Variants in ASTN2 observed in about 807,000 individuals in gnomAD.
The protein encoded by ASTN2 is astrotactin-2.
Under a neutral mutation model 139.8 loss-of-function variants are expected in ASTN2, and 54 were observed. That is an observed-to-expected ratio of 0.39 (90% CI 0.31 to 0.48). The LOEUF (loss-of-function observed/expected upper bound fraction) is 0.48. ASTN2 is among the 20% of genes least tolerant of loss of function. The pLI is 0.95. For synonymous variants in ASTN2, 756 were observed against 719.5 expected (o/e 1.05, Z -0.81); for missense variants, 1,565 against 1,725.1 (o/e 0.91, Z 1.64).
rs577615199 is a variant in ASTN2, at chr9:117,054,012, A to AT, written c.1277-14048dup. On this transcript the variant is annotated intron_variant, in intron 5 of 22. Transcript: ENST00000313400. ...ATAGCTTTGCCTTTAGTGGGGGAAT[A>AT]TAAGAGAGGATAAAAAAAGAAAAAA... Among the ~76,000 whole-genome samples, 270 of 150,558 alleles carry AT rather than the reference A, an allele frequency of 1.8e-3. 1 individual carries two copies. The highest frequency in any genetic ancestry group is 4.0e-3 in the Admixed American group (61 of 15,138).
chr9:116,949,533 G>A (rs970408125), intron 10 of ASTN2, among the ~76,000 whole-genome samples: 1 of 152,308 alleles, frequency 6.6e-6, no homozygotes, highest in African/African-American at 2.4e-5. Context: ...GGAAGAGACT[G>A]GGTGAAGTTG....
chr9:116,534,514 C>T (rs1255259503), intron 19 of ASTN2, among the ~76,000 whole-genome samples: 1 of 152,168 alleles, frequency 6.6e-6, no homozygotes, highest in African/African-American at 2.4e-5. Flanking sequence ...TATAAATCTC[C>T]CTCACACACT....
At chr9:116,970,986 A>T (rs982710174) in intron 10 of ASTN2, among the ~76,000 whole-genome samples, 1 of 152,164 alleles carries the variant, frequency 6.6e-6, no homozygotes, top group Middle Eastern at 3.4e-3. Flanking sequence ...TTCTCCCTCC[A>T]CAAGCATCTT....
At chr9:117,119,601 G>T (rs1039884915) in intron 4 of ASTN2, among the ~76,000 whole-genome samples, 6 of 152,182 alleles carry the variant, frequency 3.9e-5, no homozygotes, top group African/African-American at 7.2e-5. Flanking sequence ...TTGGGAGCTA[G>T]ATTTGAGTCC....
chr9:117,357,012 C>T (rs930545997), intron 1 of ASTN2, among the ~76,000 whole-genome samples: 3 of 151,882 alleles, frequency 2.0e-5, no homozygotes, highest in Non-Finnish European at 4.4e-5. Flanking sequence ...TGCAGTGAGC[C>T]GACATCATGC....
At chr9:116,927,842 C>T (rs141921522) in intron 10 of ASTN2, among the ~76,000 whole-genome samples, 118 of 152,322 alleles carry the variant, frequency 7.7e-4, no homozygotes, top group African/African-American at 2.8e-3. Flanking sequence ...TGACTGAAAA[C>T]TCCATTGTAC....
intron 17 of ASTN2, among the ~76,000 whole-genome samples, chr9:116,650,642 G>A (rs1857855726): frequency 6.6e-6 from 1 of 152,160 alleles, no homozygotes; most frequent in Non-Finnish European, 1.5e-5. Flanking sequence ...TGCAAGTATT[G>A]TACTGAGGTA....
intron 1 of ASTN2, among the ~76,000 whole-genome samples, chr9:117,365,273 CAG>C (rs779436371): frequency 2.6e-5 from 3 of 117,070 alleles, no homozygotes; most frequent in Non-Finnish European, 3.8e-5. Flanking sequence ...GAAAAAAAGA[CAG>C]AAAGAAAGAA....
At chr9:117,093,991 C>G (rs567465209) in intron 5 of ASTN2, among the ~76,000 whole-genome samples, 1 of 152,212 alleles carries the variant, frequency 6.6e-6, no homozygotes, top group East Asian at 1.9e-4. Flanking sequence ...ACAAACCCCA[C>G]AAGAGCAGGA....
chr9:116,431,290 C>T (rs1212112148), intron 22 of ASTN2, among the ~76,000 whole-genome samples: 3 of 152,130 alleles, frequency 2.0e-5, no homozygotes, highest in East Asian at 3.9e-4. Flanking sequence ...GCCTCCCTCC[C>T]TCCTCCCTGC....
chr9:116,639,382 C>A (rs980947784), intron 17 of ASTN2, among the ~76,000 whole-genome samples: 1 of 152,180 alleles, frequency 6.6e-6, no homozygotes, highest in Non-Finnish European at 1.5e-5. Flanking sequence ...TGTAATGGTA[C>A]AAACTCATGC....
At chr9:116,957,444 A>G (rs1404722133) in intron 10 of ASTN2, among the ~76,000 whole-genome samples, 5 of 152,210 alleles carry the variant, frequency 3.3e-5, no homozygotes, top group Non-Finnish European at 1.5e-5. Flanking sequence ...CTATTACCTA[A>G]TCTATACATT....
At chr9:116,474,197 G>A (rs569814066) in intron 20 of ASTN2, among the ~76,000 whole-genome samples, 3 of 152,324 alleles carry the variant, frequency 2.0e-5, no homozygotes, top group Non-Finnish European at 4.4e-5. Flanking sequence ...GCAGATGGGT[G>A]CTTGAATCTA....
At chr9:116,951,081 T>C (rs1040079278) in intron 10 of ASTN2, among the ~76,000 whole-genome samples, 2 of 152,146 alleles carry the variant, frequency 1.3e-5, no homozygotes, top group African/African-American at 2.4e-5. Context: ...CTCACGCCTG[T>C]AGCCCCAGCA....
chr9:117,193,118 A>G (rs758075304), intron 3 of ASTN2, among the ~76,000 whole-genome samples: 2 of 152,214 alleles, frequency 1.3e-5, no homozygotes, highest in African/African-American at 2.4e-5. Flanking sequence ...AATGGTGAGG[A>G]AGAGGTGTAC....
intron 20 of ASTN2, among the ~76,000 whole-genome samples, chr9:116,455,848 G>C (rs1848316811): frequency 6.6e-6 from 1 of 151,188 alleles, no homozygotes; most frequent in South Asian, 2.1e-4. Context: ...TAAAATATTA[G>C]ATATAAAACA....
chr9:117,244,567 AAGGAAGGGAGGGAGGGAGGGAGGG>A (rs766112585), intron 2 of ASTN2, among the ~76,000 whole-genome samples: 8 of 93,906 alleles, frequency 8.5e-5, no homozygotes, highest in Admixed American at 1.3e-4. Flanking sequence ...GGAAGGAAGG[AAGGAAGGGAGGGAGGGAGGGAGGG>A]AGGGAGGGAG....
intron 7 of ASTN2, among the ~76,000 whole-genome samples, chr9:116,987,816 A>C (rs1238187471): frequency 1.3e-5 from 2 of 152,234 alleles, no homozygotes; most frequent in Non-Finnish European, 2.9e-5. Context: ...GCCATAATTA[A>C]GTAAAATAAC....
chr9:116,514,214 C>G (rs1850535772), intron 19 of ASTN2, among the ~76,000 whole-genome samples: 1 of 149,986 alleles, frequency 6.7e-6, no homozygotes, highest in Non-Finnish European at 1.5e-5. Flanking sequence ...AGTTTTCCTT[C>G]TAACAGTCAG....
Sources: allele counts gnomAD v4.1 joint callset (sites outside exome capture counted in the v4.1 genomes callset), GRCh38; gene constraint gnomAD v4.1.1; transcripts MANE v1.5; gene names NCBI Gene and HGNC (gene_info 2026-07-23, HGNC 2026-07-21).